The following TMPRSS13 variants were observed in gnomAD, a reference collection of about 807,000 sequenced individuals.
TMPRSS13 encodes the protein transmembrane serine protease 13.
Under a neutral mutation model 68.4 loss-of-function variants are expected in TMPRSS13, and 50 were observed. That is an observed-to-expected ratio of 0.73 (90% CI 0.58 to 0.93). TMPRSS13 has a LOEUF of 0.93. Among genes scored for constraint, TMPRSS13 ranks in the 40% least tolerant of loss-of-function variants. The probability of loss-of-function intolerance (pLI) is 0.00; values close to 1 mark genes in which losing one functional copy is unlikely to be tolerated. For missense variants in TMPRSS13, 615 were observed against 729.2 expected (o/e 0.84, Z 1.80); for synonymous variants, 267 against 285.8 (o/e 0.93, Z 0.66).
chr11:117,903,314 A>G, intron 12 of TMPRSS13: 3 of 1,392,166 alleles, frequency 2.2e-6, no homozygotes, highest in South Asian at 2.6e-5. Context: ...AACAAAAACT[A>G]TCACAAAATC....
intron 1 of TMPRSS13, among the ~76,000 whole-genome samples, chr11:117,923,188 C>T (rs973452231): frequency 6.6e-6 from 1 of 152,216 alleles, no homozygotes; most frequent in Non-Finnish European, 1.5e-5. Flanking sequence ...GTTGTTCAGG[C>T]CCATCTCACA....
chr11:117,907,686 G>T, intron 9 of TMPRSS13: 1 of 495,362 alleles, frequency 2.0e-6, no homozygotes, highest in Non-Finnish European at 2.6e-6. Flanking sequence ...GACCCACCTT[G>T]GCTATCCTTC....
intron 9 of TMPRSS13, among the ~76,000 whole-genome samples, chr11:117,906,765 T>C (rs1477496158): frequency 1.3e-5 from 2 of 152,190 alleles, no homozygotes; most frequent in Non-Finnish European, 2.9e-5. Context: ...TTTAAAAACA[T>C]GTAACACTGT....
intron 12 of TMPRSS13, 86 bp downstream of exon 12, chr11:117,903,569 G>A (rs1186322726): frequency 2.5e-6 from 4 of 1,600,890 alleles, no homozygotes; most frequent in Non-Finnish European, 2.6e-6. Context: ...GGGGACCTCT[G>A]CCTACAACCT....
chr11:117,903,925 C>A, intron 11 of TMPRSS13, 34 bp downstream of exon 11: 1 of 1,604,802 alleles, frequency 6.2e-7, no homozygotes, highest in Non-Finnish European at 8.5e-7. Flanking sequence ...CCCCAGGGTG[C>A]TGGGACCTGA....
rs889790686 is a variant in TMPRSS13, at chr11:117,915,193, C to T, written c.557-679G>A. ...AAAACAGCTTTACAAGCCATATGTG[C>T]AAATCTGCTTCACGACTTCCTCCCT... On this transcript the variant is annotated intron_variant, in intron 3 of 12. Transcript: ENST00000524993. The surrounding 1 kb of genome is among the most constrained non-coding windows in gnomAD (Gnocchi z 4.9). Among the ~76,000 whole-genome samples the T allele has an allele frequency of 3.3e-5, 5 of 152,196 alleles. No individual in the cohort carries two copies. The highest frequency in any genetic ancestry group is 9.7e-5 in the African/African-American group (4 of 41,434).
At chr11:117,903,370 C>CA in intron 12 of TMPRSS13, 7 of 1,529,118 alleles carry the variant, frequency 4.6e-6, no homozygotes, top group South Asian at 2.4e-5. Context: ...CAACCTTACA[C>CA]AAAAAAATAC....
chr11:117,901,825 C>T lies in TMPRSS13; in HGVS notation c.*414G>A, dbSNP rs1485589468. 4 of 205,814 alleles carry T rather than the reference C, an allele frequency of 1.9e-5. No homozygotes were observed. The highest frequency in any genetic ancestry group is 1.0e-5 in the Non-Finnish European group (1 of 98,632). 12.7% of individuals were successfully genotyped at this position (205,814 alleles called of 1,614,324 possible). ...ACGATCCATCCCAGGACAGCAATGG[C>T]GCCACCTGGGCCGCTGGCATCTGCC... On this transcript the variant is annotated 3_prime_UTR_variant, in exon 13 of 13. Transcript: ENST00000524993.
chr11:117,906,731 A>G (rs1320373429), intron 9 of TMPRSS13, among the ~76,000 whole-genome samples: 1 of 152,100 alleles, frequency 6.6e-6, no homozygotes, highest in African/African-American at 2.4e-5. Context: ...TTTTTTTTCT[A>G]TGCCCCTTTT....
At chr11:117,929,139 TG>T (rs1183872996) in intron 1 of TMPRSS13, 147 bp downstream of exon 1, 16 of 590,538 alleles carry the variant, frequency 2.7e-5, no homozygotes, top group Admixed American at 7.9e-5. Flanking sequence ...CAAGAGATCT[TG>T]ATCGTAAGTA....
chr11:117,908,906 G>T, intron 8 of TMPRSS13, 122 bp from the exon 9 acceptor site: 2 of 952,638 alleles, frequency 2.1e-6, no homozygotes, highest in Non-Finnish European at 3.1e-6. Flanking sequence ...TGGATAAAAT[G>T]ACCTCTGGAG....
Position 117,917,347 on chromosome 11 carries a change from C to A in TMPRSS13, c.452-73G>T, listed in dbSNP as rs576921460. The A allele has an allele frequency of 4.6e-5, 58 of 1,251,338 alleles. No homozygotes were observed. The African/African-American group carries it at 5.3e-4, about 11-fold the overall frequency. 77.5% of individuals were successfully genotyped at this position (1,251,338 alleles called of 1,614,324 possible). Reference sequence around the variant, plus strand: ...GACGAGATGGAGAGGGTGGGGGAAACAAGACTGTGGCCCAGGAGGGCCCCG... The same window carrying A: ...GACGAGATGGAGAGGGTGGGGGAAAAAAGACTGTGGCCCAGGAGGGCCCCG... On this transcript the variant is annotated intron_variant, in intron 2 of 12. Transcript: ENST00000524993.
chr11:117,912,845 C>T (rs565176829), intron 5 of TMPRSS13, among the ~76,000 whole-genome samples: 3 of 152,126 alleles, frequency 2.0e-5, no homozygotes, highest in Non-Finnish European at 4.4e-5. Context: ...ATCTAGCACA[C>T]GATAAAAGCT....
rs149790429 is a variant in TMPRSS13 at position 117,904,378 on chromosome 11, C to T, written c.1382-277G>A. Among the ~76,000 whole-genome samples the T allele has an allele frequency of 6.5e-3, 997 of 152,332 alleles. 9 individuals carry two copies. The highest frequency in any genetic ancestry group is 0.021 in the African/African-American group (885 of 41,582). ...ACACTCACAAGCCTATCAGGCTACC[C>T]GACATGTTGCACAGCACTTGCCTAC... On this transcript the variant is annotated intron_variant, in intron 10 of 12. Transcript: ENST00000524993.
rs755559808 is a variant in TMPRSS13, at chr11:117,902,256, G to A, written c.1687C>T (p.Arg563Ter). ...WIYSKMESEVRFRKS is the reference protein window; with the variant it reads ...WIYSKMESEV The stretch of plus-strand genomic sequence containing the variant: ...CCAGCTGGTTAGGATTTTCTGAATC[G>A]CACCTCGCTCTGAGGAAGAGAATGG... Residue 563 changes from arginine (R) to a stop codon, truncating the protein, a stop_gained, in exon 13 of 13, where the codon CGA becomes TGA. Coordinates refer to ENST00000524993, the MANE Select transcript of TMPRSS13 (RefSeq NM_001077263.3). LOFTEE classifies it high-confidence loss of function. 10 of 1,613,398 alleles carry A rather than the reference G, an allele frequency of 6.2e-6. No individual in the cohort carries two copies. The highest frequency in any genetic ancestry group is 7.6e-6 in the Non-Finnish European group (9 of 1,179,848).
intron 9 of TMPRSS13, 30 bp downstream of exon 9, chr11:117,908,582 C>T: frequency 6.5e-7 from 1 of 1,546,508 alleles, no homozygotes; most frequent in Non-Finnish European, 8.7e-7. Context: ...GGCTGGGGGG[C>T]AGGAGAGCGG....
chr11:117,925,415 T>C (rs2057695726), intron 1 of TMPRSS13, among the ~76,000 whole-genome samples: 1 of 152,056 alleles, frequency 6.6e-6, no homozygotes, highest in South Asian at 2.1e-4. Context: ...ACTCATTCAT[T>C]CATTCATTTA....
At chr11:117,913,671 C>T in intron 5 of TMPRSS13, 106 bp downstream of exon 5, 1 of 1,448,630 alleles carries the variant, frequency 6.9e-7, no homozygotes, top group Non-Finnish European at 9.4e-7. Flanking sequence ...AGCCCCGGTC[C>T]CCAAGGGTCT....
At chr11:117,929,228 C>T (rs1404293701) in intron 1 of TMPRSS13, 59 bp downstream of exon 1, 1 of 1,510,716 alleles carries the variant, frequency 6.6e-7, no homozygotes, top group Non-Finnish European at 8.9e-7. Flanking sequence ...GTCTCCCAGC[C>T]TCAGCCCTGC....
Sources: allele counts gnomAD v4.1 joint callset (sites outside exome capture counted in the v4.1 genomes callset), GRCh38; gene constraint gnomAD v4.1.1; non-coding constraint Gnocchi (gnomAD v3.1); transcripts MANE v1.5; gene names NCBI Gene and HGNC (gene_info 2026-07-23, HGNC 2026-07-21).